PRKG1: variants seen among roughly 807,000 people sequenced by gnomAD.
The protein encoded by PRKG1 is cGMP-dependent protein kinase 1.
A neutral mutation model predicts 88.1 loss-of-function variants in PRKG1; 35 were observed. That is an observed-to-expected ratio of 0.40 (90% CI 0.30 to 0.53). The LOEUF is 0.53. Among genes scored for constraint, PRKG1 ranks in the 20% least tolerant of loss-of-function variants. The probability of loss-of-function intolerance (pLI) is 0.59; values close to 1 mark genes in which losing one functional copy is unlikely to be tolerated. For missense variants in PRKG1, 540 were observed against 839.8 expected, an observed-to-expected ratio of 0.64 and a Z score of 4.41; for synonymous variants, 303 against 292.5, an observed-to-expected ratio of 1.04 and a Z score of -0.37.
intron 3 of PRKG1, among the ~76,000 whole-genome samples, chr10:51,572,853 G>A (rs770759478): frequency 2.0e-4 from 31 of 151,862 alleles, no homozygotes; most frequent in South Asian, 6.2e-4. Context: ...TTCAATCAAA[G>A]TTTTACTCTT....
intron 4 of PRKG1, among the ~76,000 whole-genome samples, chr10:51,841,239 C>T (rs948875178): frequency 7.2e-5 from 11 of 152,194 alleles, no homozygotes; most frequent in Admixed American, 2.0e-4. Flanking sequence ...TTAGTTTATT[C>T]ATTCATCATT....
intron 2 of PRKG1, among the ~76,000 whole-genome samples, chr10:51,168,991 A>G (rs1364797971): frequency 4.6e-5 from 7 of 152,126 alleles, no homozygotes; most frequent in East Asian, 1.9e-4. Flanking sequence ...GGATTCCCCA[A>G]TGCTTATTCT....
intron 2 of PRKG1, among the ~76,000 whole-genome samples, chr10:51,403,173 A>G (rs1837802662): frequency 6.6e-6 from 1 of 152,176 alleles, no homozygotes. Context: ...TTCTGGACAG[A>G]CTTCCCCTAT....
chr10:51,798,472 A>C (rs1839077831), intron 3 of PRKG1, among the ~76,000 whole-genome samples: 1 of 152,064 alleles, frequency 6.6e-6, no homozygotes, highest in Non-Finnish European at 1.5e-5. Flanking sequence ...CTTTGATAAA[A>C]GGAAAAATTT....
chr10:51,433,490 C>T (rs293334), intron 2 of PRKG1, among the ~76,000 whole-genome samples: 127,515 of 152,060 alleles, frequency 0.84, 53,959 homozygotes, highest in African/African-American at 0.9. Context: ...GCATTCAATA[C>T]GAGAATCTGG....
intron 5 of PRKG1, among the ~76,000 whole-genome samples, chr10:52,015,671 T>C (rs1219475431): frequency 6.6e-6 from 1 of 152,244 alleles, no homozygotes; most frequent in Non-Finnish European, 1.5e-5. Flanking sequence ...CCTTTATGCT[T>C]TGCTTTCCTT....
At chr10:52,130,650 T>C (rs1419310997) in intron 7 of PRKG1, among the ~76,000 whole-genome samples, 1 of 152,188 alleles carries the variant, frequency 6.6e-6, no homozygotes, top group Admixed American at 6.5e-5. Context: ...TGGCAGCAAT[T>C]GATAGTAACT....
intron 2 of PRKG1, among the ~76,000 whole-genome samples, chr10:51,155,794 T>C (rs1310632274): frequency 1.3e-5 from 2 of 151,962 alleles, no homozygotes; most frequent in African/African-American, 2.4e-5. Flanking sequence ...GGGACTTTTT[T>C]CTATTTGACT....
intron 3 of PRKG1, among the ~76,000 whole-genome samples, chr10:51,655,398 T>A (rs1462022372): frequency 6.6e-6 from 1 of 152,124 alleles, no homozygotes; most frequent in Non-Finnish European, 1.5e-5. Flanking sequence ...CATTGAATGG[T>A]AGGATACTTT....
intron 1 of PRKG1, among the ~76,000 whole-genome samples, chr10:51,019,903 A>G (rs1489376582): frequency 6.6e-6 from 1 of 152,182 alleles, no homozygotes; most frequent in Non-Finnish European, 1.5e-5. Flanking sequence ...AAAATGCTAA[A>G]CATCACTAGC....
In PRKG1 at chr10:50,991,598, T is replaced by C; in HGVS notation, c.220T>C (p.Phe74Leu). Reference sequence around the variant, plus strand: ...GGCCGAGCCGCAGACGTACAGGTCCTTCCACGACCTCCGACAGGCATTCCG... The same window carrying C: ...GGCCGAGCCGCAGACGTACAGGTCCCTCCACGACCTCCGACAGGCATTCCG... Residue 74 changes from phenylalanine (F) to leucine (L), a missense_variant, in exon 1 of 18, where the codon TTC becomes CTC. Transcript: ENST00000401604. The surrounding 1 kb of genome is among the most constrained non-coding windows in gnomAD (Gnocchi z 4.5). 6.3e-7 allele frequency: 1 copy of C among 1,581,806 alleles called. No homozygotes were observed. Among genetic ancestry groups the C allele is most frequent in the Non-Finnish European group, 8.6e-7 (1 of 1,165,628 alleles).
intron 3 of PRKG1, among the ~76,000 whole-genome samples, chr10:51,508,785 C>T (rs151317391): frequency 2.6e-5 from 4 of 152,192 alleles, no homozygotes; most frequent in Non-Finnish European, 5.9e-5. Context: ...ATCTCTTTAC[C>T]CAAACTGACC....
chr10:51,491,946 C>T (rs986401), intron 3 of PRKG1, among the ~76,000 whole-genome samples: 40,951 of 151,926 alleles, frequency 0.27, 5,827 homozygotes, highest in Admixed American at 0.33. Context: ...TCCATGAATA[C>T]TGAGTGAAAG....
At chr10:52,238,483 AAAC>A (rs1346386844) in intron 9 of PRKG1, among the ~76,000 whole-genome samples, 1 of 152,002 alleles carries the variant, frequency 6.6e-6, no homozygotes, top group East Asian at 1.9e-4. Context: ...AGAAAGAAAC[AAAC>A]AACCCCATCA....
At chr10:52,279,374 T>G (rs1841949431) in intron 12 of PRKG1, among the ~76,000 whole-genome samples, 1 of 152,178 alleles carries the variant, frequency 6.6e-6, no homozygotes, top group African/African-American at 2.4e-5. Flanking sequence ...GGAGTCATGG[T>G]AATTATAGTT....
chr10:52,035,364 A>T (rs1454568814), intron 5 of PRKG1, among the ~76,000 whole-genome samples: 1 of 152,172 alleles, frequency 6.6e-6, no homozygotes, highest in East Asian at 1.9e-4. Context: ...CTAGAATAGC[A>T]GATGGAACAC....
At chr10:51,864,855 C>T (rs1269496750) in intron 4 of PRKG1, among the ~76,000 whole-genome samples, 1 of 152,124 alleles carries the variant, frequency 6.6e-6, no homozygotes. Flanking sequence ...TATTTATTTT[C>T]TGTAAATCCC....
chr10:51,844,006 A>G (rs918113462), intron 4 of PRKG1, among the ~76,000 whole-genome samples: 2 of 152,192 alleles, frequency 1.3e-5, no homozygotes, highest in Non-Finnish European at 2.9e-5. Context: ...TACTATATTC[A>G]TAGAATTTGC....
chr10:51,574,256 T>G (rs1379838990), intron 3 of PRKG1, among the ~76,000 whole-genome samples: 1 of 151,940 alleles, frequency 6.6e-6, no homozygotes, highest in Non-Finnish European at 1.5e-5. Flanking sequence ...CTTTTTTTCA[T>G]CACTGAAAGG....
Sources: gnomAD v4.1 joint callset for allele counts (sites outside exome capture counted in the v4.1 genomes callset) on GRCh38, gnomAD v4.1.1 for gene constraint, Gnocchi (gnomAD v3.1) non-coding constraint, MANE v1.5 for transcripts, NCBI Gene and HGNC (gene_info 2026-07-23, HGNC 2026-07-21) for gene names.